The following PDZRN3 variants were observed in gnomAD, a reference collection of about 807,000 sequenced individuals.
PDZRN3 encodes E3 ubiquitin-protein ligase PDZRN3.
A neutral mutation model predicts 85.7 loss-of-function variants in PDZRN3; 38 were observed. The observed-to-expected ratio is 0.44, with a 90% CI of 0.34 to 0.58. The LOEUF is 0.58. PDZRN3 is among the 20% of genes least tolerant of loss of function. PDZRN3 has a pLI of 0.01. For synonymous variants in PDZRN3, 759 were observed against 638.0 expected, an observed-to-expected ratio of 1.19 and a Z score of -2.86; for missense variants, 1,629 against 1,506.4, an observed-to-expected ratio of 1.08 and a Z score of -1.35.
intron 1 of PDZRN3, among the ~76,000 whole-genome samples, chr3:73,620,748 T>C (rs1235355473): frequency 3.3e-5 from 5 of 152,130 alleles, no homozygotes; most frequent in Non-Finnish European, 7.3e-5. Context: ...AGCTAATTTT[T>C]TGTATTTTTA....
chr3:73,489,143 G>A (rs1226622245), intron 3 of PDZRN3, among the ~76,000 whole-genome samples: 2 of 152,216 alleles, frequency 1.3e-5, no homozygotes, highest in Non-Finnish European at 2.9e-5. Flanking sequence ...TAGCAGGAGA[G>A]GTACCCAGCA....
rs528412811 is a variant in PDZRN3 at position 73,414,999 on chromosome 3, C to T, written c.919-10604G>A. Among the ~76,000 whole-genome samples, 5 of 152,300 alleles carry T rather than the reference C, an allele frequency of 3.3e-5. No homozygotes were observed. In the South Asian group the frequency reaches 1.0e-3, roughly 32 times the overall value. ...ACCATGCAGTATGCTTGGCACTGTACATTCAATGGCTCATTCATTTGTTTA... is the reference window on the plus strand; with the variant it reads ...ACCATGCAGTATGCTTGGCACTGTATATTCAATGGCTCATTCATTTGTTTA... On this transcript the variant is annotated intron_variant, in intron 3 of 9. Coordinates refer to ENST00000263666, the MANE Select transcript of PDZRN3 (RefSeq NM_015009.3).
chr3:73,384,586 G>A lies in PDZRN3; in HGVS notation c.1980C>T (p.Thr660=), dbSNP rs569615669. The change falls in exon 10 of 10, where the codon ACC becomes ACT. Residue 660 remains threonine, a synonymous_variant. Transcript: ENST00000263666. The part of the protein sequence containing the change: ...LELKCQVKSA[T]PYGLYYPSGP... ...CGCTAGGGTAGTACAGGCCGTAAGG[G>A]GTGGCGCTCTTCACCTGGCACTTGA... 1.8e-5 allele frequency: 29 copies of A among 1,613,758 alleles called. 1 individual carries two copies. The South Asian group carries it at 2.9e-4, about 16-fold the overall frequency.
At position 73,397,442 on chromosome 3, in the gene PDZRN3, C is replaced by T. The variant is rs1214616383; in HGVS notation, c.1254+3480G>A. ...AGGATGGAATCTAGAAGGCAGACTG[C>T]GACTGTTCTAAGAAATCTCGTGTAG... On this transcript the variant is annotated intron_variant, in intron 5 of 9. Transcript: ENST00000263666. 4.6e-5 allele frequency among the ~76,000 whole-genome samples: 7 copies of T among 152,168 alleles called. No homozygotes were observed. The South Asian group carries it at 8.3e-4, about 18-fold the overall frequency.
chr3:73,417,090 C>A (rs1702106986), intron 3 of PDZRN3, among the ~76,000 whole-genome samples: 1 of 151,900 alleles, frequency 6.6e-6, no homozygotes. Context: ...CCATGTTGGC[C>A]AGGCTGGTCT....
chr3:73,555,435 T>C (rs1363274090), intron 3 of PDZRN3, among the ~76,000 whole-genome samples: 1 of 152,240 alleles, frequency 6.6e-6, no homozygotes, highest in East Asian at 1.9e-4. Context: ...TTGCAGAGAT[T>C]CCTGCAGTCC....
intron 3 of PDZRN3, chr3:73,474,704 G>A (rs970813470): frequency 1.2e-5 from 10 of 858,278 alleles, no homozygotes; most frequent in Non-Finnish European, 1.2e-5. Context: ...GGAGCAGCAG[G>A]AGCCCCATCC....
intron 3 of PDZRN3, among the ~76,000 whole-genome samples, chr3:73,417,632 A>G (rs1308035351): frequency 1.3e-5 from 2 of 152,202 alleles, no homozygotes; most frequent in Non-Finnish European, 2.9e-5. Context: ...TGACTAAGTT[A>G]TAAGAGAAAA....
At chr3:73,490,419 G>A (rs888369331) in intron 3 of PDZRN3, among the ~76,000 whole-genome samples, 1 of 152,174 alleles carries the variant, frequency 6.6e-6, no homozygotes, top group Non-Finnish European at 1.5e-5. Flanking sequence ...ACAGTTTTCA[G>A]CTCCATATTT....
intron 7 of PDZRN3, among the ~76,000 whole-genome samples, chr3:73,388,472 T>C (rs1701446566): frequency 6.6e-6 from 1 of 152,000 alleles, no homozygotes; most frequent in Non-Finnish European, 1.5e-5. Context: ...CAAACTGAGG[T>C]TAAGAAAATG....
chr3:73,403,698 T>C (rs375370623), intron 4 of PDZRN3, among the ~76,000 whole-genome samples: 1 of 152,182 alleles, frequency 6.6e-6, no homozygotes, highest in African/African-American at 2.4e-5. Context: ...AGATGAGGCA[T>C]GTGCGGGCTT....
chr3:73,608,922 C>G (rs1041399436), intron 1 of PDZRN3, among the ~76,000 whole-genome samples: 2 of 152,166 alleles, frequency 1.3e-5, no homozygotes, highest in African/African-American at 4.8e-5. Flanking sequence ...CTAAGAATGT[C>G]TGGAGATGTC....
At chr3:73,484,666 T>G (rs924490182) in intron 3 of PDZRN3, among the ~76,000 whole-genome samples, 3 of 152,168 alleles carry the variant, frequency 2.0e-5, no homozygotes, top group African/African-American at 7.2e-5. Flanking sequence ...GAGGACTAGG[T>G]ATGGCTTTGG....
At chr3:73,478,333 G>A (rs1368549108) in intron 3 of PDZRN3, among the ~76,000 whole-genome samples, 3 of 151,978 alleles carry the variant, frequency 2.0e-5, no homozygotes, top group African/African-American at 4.8e-5. Context: ...GATCAGCAGC[G>A]ACATTAGATT....
chr3:73,402,126 G>C (rs975819945), intron 4 of PDZRN3, among the ~76,000 whole-genome samples: 8 of 152,204 alleles, frequency 5.3e-5, no homozygotes, highest in Non-Finnish European at 1.0e-4. Flanking sequence ...CTTGCAGCCA[G>C]AACCTGAAGA....
chr3:73,568,817 G>T (rs971274488), intron 3 of PDZRN3, among the ~76,000 whole-genome samples: 1 of 152,124 alleles, frequency 6.6e-6, no homozygotes, highest in Admixed American at 6.6e-5. Context: ...TCAAATCCTG[G>T]GATTAAAACA....
intron 3 of PDZRN3, among the ~76,000 whole-genome samples, chr3:73,563,934 C>T (rs1267649640): frequency 1.3e-5 from 2 of 152,148 alleles, no homozygotes; most frequent in Non-Finnish European, 2.9e-5. Flanking sequence ...CACAAGGTAA[C>T]CTCTCTGTTA....
intron 5 of PDZRN3, among the ~76,000 whole-genome samples, chr3:73,392,666 GTTGT>G (rs1275613637): frequency 1.3e-5 from 2 of 152,140 alleles, no homozygotes; most frequent in African/African-American, 2.4e-5. Flanking sequence ...GTCACAAGAA[GTTGT>G]TTGTGGCAGA....
At chr3:73,504,071 T>C (rs545934618) in intron 3 of PDZRN3, among the ~76,000 whole-genome samples, 44 of 152,330 alleles carry the variant, frequency 2.9e-4, no homozygotes, top group African/African-American at 1.0e-3. Flanking sequence ...TCTGCCTTCT[T>C]TATAAACAGA....
Sources: gnomAD v4.1 joint callset for allele counts (sites outside exome capture counted in the v4.1 genomes callset) on GRCh38, gnomAD v4.1.1 for gene constraint, MANE v1.5 for transcripts, NCBI Gene and HGNC (gene_info 2026-07-23, HGNC 2026-07-21) for gene names.